The following DNMBP variants were observed in gnomAD, a reference collection of about 807,000 sequenced individuals.
DNMBP encodes dynamin-binding protein.
In DNMBP, 87 loss-of-function variants were observed where a neutral mutation model predicts 150.0. That is an observed-to-expected ratio of 0.58 (90% confidence interval 0.49 to 0.69). The LOEUF (loss-of-function observed/expected upper bound fraction) is 0.69. Among genes scored for constraint, DNMBP ranks in the 30% least tolerant of loss-of-function variants. DNMBP has a pLI of 0.00. For synonymous variants in DNMBP, 711 were observed against 750.4 expected, an observed-to-expected ratio of 0.95 and a Z score of 0.86; for missense variants, 1,774 against 1,949.0, an observed-to-expected ratio of 0.91 and a Z score of 1.69.
intron 1 of DNMBP, among the ~76,000 whole-genome samples, chr10:99,978,090 G>A (rs1426568705): frequency 6.6e-6 from 1 of 152,140 alleles, no homozygotes; most frequent in Admixed American, 6.6e-5. Context: ...GACTCCGCAA[G>A]GTAGACAGCA....
In DNMBP at chr10:99,969,890, C is replaced by T. The variant is rs115562688; in HGVS notation, c.146-653G>A. 4.4e-3 allele frequency among the ~76,000 whole-genome samples: 675 copies of T among 152,208 alleles called. 3 individuals carry two copies. The highest frequency in any genetic ancestry group is 0.041 in the Middle Eastern group (12 of 294). Reference sequence around the variant, plus strand: ...ATGCTTCCCTGCCTTCAGTTTTGTCCCTTTCTATCATTCTTAAGTCTGCAG... The same window carrying T: ...ATGCTTCCCTGCCTTCAGTTTTGTCTCTTTCTATCATTCTTAAGTCTGCAG... On this transcript the variant is annotated intron_variant, in intron 2 of 16. Transcript: ENST00000324109.
chr10:99,894,851 T>C (rs1467421616), intron 11 of DNMBP, 95 bp downstream of exon 11: 8 of 930,258 alleles, frequency 8.6e-6, no homozygotes, highest in Non-Finnish European at 1.3e-5. Context: ...TGAGTCCAGA[T>C]TACTCAGCAT....
chr10:99,951,185 G>A (rs979919723), intron 4 of DNMBP, among the ~76,000 whole-genome samples: 7 of 152,248 alleles, frequency 4.6e-5, no homozygotes, highest in South Asian at 2.1e-4. Context: ...TTGAGCCTGC[G>A]GGTGCACAGA....
chr10:99,905,720 C>G (rs2039817734), intron 6 of DNMBP, among the ~76,000 whole-genome samples: 1 of 152,138 alleles, frequency 6.6e-6, no homozygotes, highest in African/African-American at 2.4e-5. Context: ...CCTATAATCA[C>G]AGCATTTTGG....
rs755554952 is a variant in DNMBP at position 99,877,277 on chromosome 10, G to C, written c.4608C>G (p.Ala1536=). 6.2e-7 allele frequency: 1 copy of C among 1,613,964 alleles called. No individual in the cohort carries two copies. The highest frequency in any genetic ancestry group is 1.1e-5 in the South Asian group (1 of 91,042). Residue 1536 remains alanine (A), a synonymous_variant, in exon 17 of 17, where the codon GCC becomes GCG. Coordinates refer to ENST00000324109, the MANE Select transcript of DNMBP (RefSeq NM_015221.4). Reference sequence around the variant, plus strand: ...ACTCGAGGATCTTGAGTTTCTGATTGGCTGACACGCTCAGCTCATTTGGGT... The same window carrying C: ...ACTCGAGGATCTTGAGTTTCTGATTCGCTGACACGCTCAGCTCATTTGGGT... ...ARNPNELSVS[A]NQKLKILEFK...
chr10:99,898,005 C>A lies in DNMBP; in HGVS notation c.2920+81G>T. 8.7e-6 allele frequency: 11 copies of A among 1,266,550 alleles called. No homozygotes were observed. The South Asian group carries it at 1.4e-4, about 16-fold the overall frequency. The allele number at this position is 1,266,550 out of a possible 1,614,324, so 78.5% of individuals were successfully genotyped here. On this transcript the variant is annotated intron_variant, in intron 9 of 16. Transcript: ENST00000324109. ...TACCTACCACCTGCCTTGTCCAACT[C>A]TAGCGAAGTAATGAATTGTTTTGAG... is the stretch of plus-strand genomic sequence containing the variant.
intron 4 of DNMBP, among the ~76,000 whole-genome samples, chr10:99,918,326 A>G (rs569372238): frequency 6.6e-6 from 1 of 152,210 alleles, no homozygotes; most frequent in East Asian, 1.9e-4. Context: ...ACCAAACTTC[A>G]GAGGTAAATC....
chr10:99,884,751 A>C (rs917011030), intron 14 of DNMBP, among the ~76,000 whole-genome samples: 1 of 152,112 alleles, frequency 6.6e-6, no homozygotes, highest in African/African-American at 2.4e-5. Flanking sequence ...TCTACTAAAA[A>C]TACAATACAG....
intron 4 of DNMBP, among the ~76,000 whole-genome samples, chr10:99,952,892 C>T (rs1373089459): frequency 6.6e-6 from 1 of 152,144 alleles, no homozygotes; most frequent in Non-Finnish European, 1.5e-5. Flanking sequence ...CACCATTCTG[C>T]TTTTATCTCT....
At position 99,929,804 on chromosome 10, in the gene DNMBP, C is replaced by T. The variant is rs574514691; in HGVS notation, c.2261-20658G>A. The T allele has an allele frequency of 7.0e-5, 49 of 702,946 alleles. No individual in the cohort carries two copies. In the East Asian group the frequency reaches 1.2e-3, roughly 18 times the overall value. The allele number at this position is 702,946 out of a possible 1,614,324, so 43.5% of individuals were successfully genotyped here. On this transcript the variant is annotated intron_variant, in intron 4 of 16. Transcript: ENST00000324109. ...GTCCTCCTTGTTCTCCCCTGGTACA[C>T]TGAGTCTGCAGACCATCCAGAAGGA... is the stretch of plus-strand genomic sequence containing the variant.
At chr10:99,954,337 A>G (rs566361788) in intron 4 of DNMBP, among the ~76,000 whole-genome samples, 1 of 149,970 alleles carries the variant, frequency 6.7e-6, no homozygotes, top group East Asian at 2.1e-4. Flanking sequence ...CGCACCCGGC[A>G]AGGTTTGAGA....
Position 99,955,226 on chromosome 10 carries a change from G to C in DNMBP, c.2248C>G (p.Gln750Glu). 1 of 1,612,632 alleles carries C rather than the reference G, an allele frequency of 6.2e-7. No individual in the cohort carries two copies. Among genetic ancestry groups the C allele is most frequent in the South Asian group, 1.1e-5 (1 of 90,966 alleles). Residue 750 changes from glutamine (Q) to glutamate (E), a missense_variant, in exon 4 of 17, where the codon CAG becomes GAG. This residue lies in a region of DNMBP where 1,430 missense variants were observed against 1,492.5 expected (regional missense o/e 0.96). Transcript: ENST00000324109. ...CCTCGTCACTTACCTCTTAGTTGCT[G>C]GAGTTCCATATTCAAACTTTCAATG... ...SNIESLNMEL[Q>E]QLREMTLLSS...
In DNMBP at chr10:100,009,915, C is replaced by T. The variant is rs548494284; in HGVS notation, c.-88G>A. 2.7e-5 allele frequency: 4 copies of T among 148,494 alleles called. No individual in the cohort carries two copies. In the East Asian group the frequency reaches 7.8e-4, roughly 29 times the overall value. 9.2% of individuals were successfully genotyped at this position (148,494 alleles called of 1,614,324 possible). A position where few individuals can be genotyped will look rare whatever the true frequency, so the allele number is the denominator to read the frequency against. ...AGTCCCCAGCCCGCTGTCACCTCCG[C>T]CCCTGGAAGCGGCGGGCGGGTCGAT... On this transcript the variant is annotated 5_prime_UTR_variant, in exon 1 of 17. Transcript: ENST00000324109.
chr10:99,935,087 CAAAAAAAAAA>C (rs71009790), intron 4 of DNMBP, among the ~76,000 whole-genome samples: 1 of 48,542 alleles, frequency 2.1e-5, no homozygotes, highest in Non-Finnish European at 3.9e-5. Flanking sequence ...CCTGTCTCCA[CAAAAAAAAAA>C]AAAAAAAAAA....
intron 5 of DNMBP, 30 bp from the exon 6 acceptor site, chr10:99,908,124 C>T (rs1170244675): frequency 6.7e-7 from 1 of 1,491,134 alleles, no homozygotes. Context: ...CATAAAAATG[C>T]ACGGAAATGA....
chr10:99,942,238 T>C (rs1250712135), intron 4 of DNMBP, among the ~76,000 whole-genome samples: 1 of 152,206 alleles, frequency 6.6e-6, no homozygotes, highest in African/African-American at 2.4e-5. Context: ...TGATTTCTTT[T>C]CTCCATAGAT....
chr10:99,902,303 C>CTTTTTTTTTTTT (rs34120125), intron 6 of DNMBP, among the ~76,000 whole-genome samples: 5 of 82,774 alleles, frequency 6.0e-5, no homozygotes, highest in African/African-American at 8.5e-5. Context: ...AGCCTCCCTT[C>CTTTTTTTTTTTT]TTTTTTTTTT....
At chr10:99,965,383 CAT>C (rs1384964235) in intron 3 of DNMBP, among the ~76,000 whole-genome samples, 1 of 151,982 alleles carries the variant, frequency 6.6e-6, no homozygotes, top group Non-Finnish European at 1.5e-5. Flanking sequence ...ATAAATTACA[CAT>C]ATATTTTTTC....
intron 1 of DNMBP, among the ~76,000 whole-genome samples, chr10:99,975,201 A>G (rs1253876026): frequency 6.6e-6 from 1 of 152,148 alleles, no homozygotes; most frequent in Non-Finnish European, 1.5e-5. Context: ...TCTCTATTAA[A>G]ATTACAAAAT....
Sources: allele counts gnomAD v4.1 joint callset (sites outside exome capture counted in the v4.1 genomes callset), GRCh38; gene constraint gnomAD v4.1.1; regional missense constraint gnomAD v4.1.1; transcripts MANE v1.5; gene names NCBI Gene and HGNC (gene_info 2026-07-23, HGNC 2026-07-21).